The following GRIA2 variants were observed in gnomAD, a reference collection of about 807,000 sequenced individuals.
The protein encoded by GRIA2 is glutamate ionotropic receptor AMPA type subunit 2.
A neutral mutation model predicts 97.3 loss-of-function variants in GRIA2; 14 were observed. The observed-to-expected ratio is 0.14, with a 90% CI of 0.10 to 0.23. GRIA2 has a LOEUF of 0.23. Among genes scored for constraint, GRIA2 ranks in the 10% least tolerant of loss-of-function variants. GRIA2 has a pLI of 1.00. For missense variants in GRIA2, 558 were observed against 1,069.8 expected (o/e 0.52, Z 6.67); for synonymous variants, 412 against 387.8 (o/e 1.06, Z -0.73).
chr4:157,333,581 T>C (rs1378127457), intron 8 of GRIA2, among the ~76,000 whole-genome samples: 2 of 152,036 alleles, frequency 1.3e-5, no homozygotes, highest in African/African-American at 4.8e-5. Flanking sequence ...TGAACTTTAA[T>C]TTTTTAGACT....
At chr4:157,254,953 G>A (rs1359479363) in intron 2 of GRIA2, among the ~76,000 whole-genome samples, 1 of 151,944 alleles carries the variant, frequency 6.6e-6, no homozygotes, top group African/African-American at 2.4e-5. Context: ...ATAAATTTAA[G>A]GGGCACAAGT....
intron 2 of GRIA2, among the ~76,000 whole-genome samples, chr4:157,298,539 G>A (rs1364062819): frequency 6.8e-6 from 1 of 147,968 alleles, no homozygotes; most frequent in Non-Finnish European, 1.5e-5. Context: ...GGAATTAGTT[G>A]GAAATATATG....
intron 3 of GRIA2, 46 bp downstream of exon 3, chr4:157,303,837 C>T (rs1486453392): frequency 6.3e-7 from 1 of 1,579,654 alleles, no homozygotes; most frequent in Admixed American, 1.7e-5. Context: ...GAATTCAATG[C>T]CTACACTTGA....
intron 12 of GRIA2, among the ~76,000 whole-genome samples, chr4:157,352,998 C>T (rs1323746195): frequency 6.6e-6 from 1 of 151,504 alleles, no homozygotes; most frequent in Admixed American, 6.6e-5. Flanking sequence ...GCGGAGATTA[C>T]AGTGAGCCGA....
intron 11 of GRIA2, among the ~76,000 whole-genome samples, chr4:157,338,004 ATG>A (rs1261309889): frequency 9.3e-6 from 1 of 107,446 alleles, no homozygotes; most frequent in Non-Finnish European, 1.9e-5. Flanking sequence ...GTGTATATAT[ATG>A]TGTATATATA....
At chr4:157,306,890 A>G (rs1239602670) in intron 3 of GRIA2, among the ~76,000 whole-genome samples, 1 of 152,156 alleles carries the variant, frequency 6.6e-6, no homozygotes, top group African/African-American at 2.4e-5. Context: ...ACATGATTTG[A>G]AGAATGCACC....
chr4:157,221,019 G>A lies in GRIA2; in HGVS notation c.-24G>A, dbSNP rs1481870659. On this transcript the variant is annotated 5_prime_UTR_variant, in exon 1 of 16. In the 5' UTR this introduces an upstream ATG that the reference lacks. Coordinates refer to ENST00000264426, the MANE Select transcript of GRIA2 (RefSeq NM_001083619.3). ...AAAAGGAAAAAAAAAGGGGTATATT[G>A]TGGATGCTCTACTTTTCTTGGAAAT... 8.3e-7 allele frequency: 1 copy of A among 1,206,368 alleles called. No individual in the cohort carries two copies. The highest frequency in any genetic ancestry group is 1.7e-5 in the Admixed American group (1 of 59,476). The allele number at this position is 1,206,368 out of a possible 1,614,324, so 74.7% of individuals were successfully genotyped here. A position where few individuals can be genotyped will look rare whatever the true frequency, so the allele number is the denominator to read the frequency against.
chr4:157,314,118 A>C, intron 4 of GRIA2, among the ~76,000 whole-genome samples: 1 of 152,120 alleles, frequency 6.6e-6, no homozygotes, highest in East Asian at 1.9e-4. Flanking sequence ...GTATAAGTGG[A>C]TTCACACAGT....
chr4:157,302,132 C>T (rs1398333578), intron 2 of GRIA2, among the ~76,000 whole-genome samples: 1 of 149,436 alleles, frequency 6.7e-6, no homozygotes, highest in Non-Finnish European at 1.5e-5. Flanking sequence ...GAGATCGCAC[C>T]ACTGCACTGC....
At position 157,221,680 on chromosome 4, in the gene GRIA2, T is replaced by A; in HGVS notation, c.102T>A (p.Pro34=). The A allele has an allele frequency of 6.2e-7, 1 of 1,614,116 alleles. No individual in the cohort carries two copies. The highest frequency in any genetic ancestry group is 8.5e-7 in the Non-Finnish European group (1 of 1,179,980). ...SNSIQIGGLF[P]RGADQEYSAF... ...TGTTCTTTGCAGGGGGGCTATTTCC[T>A]AGGGGCGCCGATCAAGAATACAGTG... Residue 34 remains proline, a synonymous_variant, in exon 2 of 16, where the codon CCT becomes CCA. Coordinates refer to ENST00000264426, the MANE Select transcript of GRIA2 (RefSeq NM_001083619.3).
chr4:157,351,981 G>A (rs1406327442), intron 12 of GRIA2, among the ~76,000 whole-genome samples: 1 of 152,172 alleles, frequency 6.6e-6, no homozygotes, highest in African/African-American at 2.4e-5. Context: ...TATATGACAT[G>A]ACTCTAGTTT....
chr4:157,362,735 T>C, intron 14 of GRIA2, 64 bp from the exon 15 acceptor site: 1 of 1,368,206 alleles, frequency 7.3e-7, no homozygotes, highest in Non-Finnish European at 1.0e-6. Context: ...CTATGTGACA[T>C]TGCTGTTCTC....
At chr4:157,354,800 C>T (rs925429650) in intron 12 of GRIA2, among the ~76,000 whole-genome samples, 7 of 152,112 alleles carry the variant, frequency 4.6e-5, no homozygotes, top group African/African-American at 9.7e-5. Flanking sequence ...TTTATAGGAT[C>T]TTTCTATAGG....
chr4:157,261,962 T>C (rs1003322703), intron 2 of GRIA2, among the ~76,000 whole-genome samples: 2 of 152,094 alleles, frequency 1.3e-5, no homozygotes, highest in African/African-American at 4.8e-5. Context: ...ACCATGCGCT[T>C]TACTGGTTAT....
chr4:157,242,638 TA>T (rs1730558850), intron 2 of GRIA2, among the ~76,000 whole-genome samples: 1 of 152,132 alleles, frequency 6.6e-6, no homozygotes, highest in East Asian at 1.9e-4. Flanking sequence ...AGTTATGTTC[TA>T]AAAATTATTC....
At chr4:157,334,331 G>T in intron 9 of GRIA2, 1 of 472,288 alleles carries the variant, frequency 2.1e-6, no homozygotes, top group South Asian at 2.4e-5. Flanking sequence ...GAACGCTACA[G>T]TTTACACAGA....
chr4:157,282,350 G>A (rs1732644635), intron 2 of GRIA2, among the ~76,000 whole-genome samples: 1 of 152,028 alleles, frequency 6.6e-6, no homozygotes, highest in Non-Finnish European at 1.5e-5. Context: ...ATGTCAACAG[G>A]TACCCTTTCT....
intron 2 of GRIA2, among the ~76,000 whole-genome samples, chr4:157,239,746 T>A (rs1209630851): frequency 6.6e-6 from 1 of 151,990 alleles, no homozygotes; most frequent in Non-Finnish European, 1.5e-5. Context: ...CAATAAGTAT[T>A]GTTTACACAT....
At chr4:157,248,354 A>G (rs944434300) in intron 2 of GRIA2, among the ~76,000 whole-genome samples, 3 of 150,638 alleles carry the variant, frequency 2.0e-5, no homozygotes, top group African/African-American at 7.3e-5. Flanking sequence ...GTAATACATT[A>G]AAAATACAAA....
Sources: allele counts gnomAD v4.1 joint callset (sites outside exome capture counted in the v4.1 genomes callset), GRCh38; gene constraint gnomAD v4.1.1; transcripts MANE v1.5; gene names NCBI Gene and HGNC (gene_info 2026-07-23, HGNC 2026-07-21).